Variants in TAFA2 observed in about 807,000 individuals in gnomAD.
The protein encoded by TAFA2 is chemokine-like protein TAFA-2.
In TAFA2, 7 loss-of-function variants were observed where a neutral mutation model predicts 18.8. The observed-to-expected ratio is 0.37, with a 90% CI of 0.21 to 0.70. The LOEUF (loss-of-function observed/expected upper bound fraction) is 0.70. Ranked by LOEUF, TAFA2 falls within the 30% of genes least tolerant of loss-of-function variation. The pLI is 0.53. For synonymous variants in TAFA2, 60 were observed against 54.2 expected, an observed-to-expected ratio of 1.11 and a Z score of -0.47; for missense variants, 122 against 158.1, an observed-to-expected ratio of 0.77 and a Z score of 1.23.
At chr12:62,071,896 C>T (rs1254097969) in intron 1 of TAFA2, among the ~76,000 whole-genome samples, 1 of 152,104 alleles carries the variant, frequency 6.6e-6, no homozygotes, top group Admixed American at 6.5e-5. Flanking sequence ...TGGCTGTGTT[C>T]TTTTTGAGAT....
chr12:61,945,458 C>A (rs1463947259), intron 1 of TAFA2, among the ~76,000 whole-genome samples: 2 of 72,778 alleles, frequency 2.7e-5, no homozygotes, highest in African/African-American at 6.9e-5. Context: ...CTGGCCAGGG[C>A]AATCAGGCAG....
intron 2 of TAFA2, among the ~76,000 whole-genome samples, chr12:61,816,531 T>C (rs1174903436): frequency 6.6e-6 from 1 of 151,360 alleles, no homozygotes; most frequent in African/African-American, 2.5e-5. Flanking sequence ...CCCCTGAGTA[T>C]ATACCCAGTA....
At chr12:61,716,178 G>A (rs1308524593) in intron 4 of TAFA2, among the ~76,000 whole-genome samples, 2 of 152,092 alleles carry the variant, frequency 1.3e-5, no homozygotes, top group African/African-American at 4.8e-5. Flanking sequence ...TAAATTTTTG[G>A]CCATCCAATG....
At chr12:61,815,885 G>A (rs78093078) in intron 2 of TAFA2, among the ~76,000 whole-genome samples, 2,991 of 151,178 alleles carry the variant, frequency 0.02, 59 homozygotes, top group South Asian at 0.057. Flanking sequence ...CAAAATTGTC[G>A]CTGTTCTCAT....
chr12:62,035,184 A>G (rs1000646405), intron 1 of TAFA2, among the ~76,000 whole-genome samples: 3 of 152,202 alleles, frequency 2.0e-5, no homozygotes, highest in Non-Finnish European at 4.4e-5. Flanking sequence ...ACATTATCTT[A>G]CTTGATGACT....
chr12:61,854,786 C>A (rs1873817179), intron 2 of TAFA2, among the ~76,000 whole-genome samples: 1 of 151,918 alleles, frequency 6.6e-6, no homozygotes, highest in Non-Finnish European at 1.5e-5. Flanking sequence ...TTTAGAAAAG[C>A]AAGGTTTTAA....
chr12:62,191,085 G>T (rs1031147289), intron 1 of TAFA2, among the ~76,000 whole-genome samples, 174 bp downstream of exon 1: 1 of 152,070 alleles, frequency 6.6e-6, no homozygotes, highest in Admixed American at 6.5e-5. Flanking sequence ...CCGGCCGATG[G>T]ACCCGCATCT....
At chr12:61,922,067 A>T (rs1035859712) in intron 1 of TAFA2, among the ~76,000 whole-genome samples, 5 of 152,186 alleles carry the variant, frequency 3.3e-5, no homozygotes, top group African/African-American at 1.2e-4. Context: ...GAGCAAGTTT[A>T]GAGAAGAAGT....
In TAFA2 at chr12:62,014,135, ATCGAAAACC is replaced by A. The variant is rs113213605; in HGVS notation, c.-1-146718_-1-146710del. On this transcript the variant is annotated intron_variant, in intron 1 of 4. Coordinates refer to ENST00000416284, the MANE Select transcript of TAFA2 (RefSeq NM_178539.5). ...ACACACATCAAAACATTCTACTGACATCGAAAACCTTAATTTTATACTTCAGGCAATAAA... is the reference window on the plus strand; with the variant it reads ...ACACACATCAAAACATTCTACTGACATTAATTTTATACTTCAGGCAATAAA... Among the ~76,000 whole-genome samples the A allele has an allele frequency of 4.3e-3, 655 of 152,324 alleles. 2 individuals are homozygous for A. Among genetic ancestry groups the A allele is most frequent in the African/African-American group, 0.015 (618 of 41,574 alleles).
At chr12:61,806,714 G>A (rs1201192090) in intron 2 of TAFA2, among the ~76,000 whole-genome samples, 1 of 152,210 alleles carries the variant, frequency 6.6e-6, no homozygotes, top group Non-Finnish European at 1.5e-5. Flanking sequence ...TCCAGGCTGA[G>A]GTGGTCTCAG....
At chr12:61,839,957 A>T (rs1325879582) in intron 2 of TAFA2, among the ~76,000 whole-genome samples, 1 of 152,142 alleles carries the variant, frequency 6.6e-6, no homozygotes, top group Non-Finnish European at 1.5e-5. Flanking sequence ...TGACATAGAC[A>T]TGAGGAAAAG....
intron 1 of TAFA2, among the ~76,000 whole-genome samples, chr12:61,938,109 C>T (rs1877845556): frequency 6.6e-6 from 1 of 151,808 alleles, no homozygotes; most frequent in African/African-American, 2.4e-5. Flanking sequence ...GAGATACCAC[C>T]TTACCCTGTA....
chr12:62,137,155 G>A (rs568520452), intron 1 of TAFA2, among the ~76,000 whole-genome samples: 1 of 152,116 alleles, frequency 6.6e-6, no homozygotes, highest in Non-Finnish European at 1.5e-5. Context: ...CTACCTCAAG[G>A]ACAGATATGT....
At chr12:61,778,121 A>G (rs1870349140) in intron 2 of TAFA2, among the ~76,000 whole-genome samples, 1 of 151,840 alleles carries the variant, frequency 6.6e-6, no homozygotes, top group Admixed American at 6.6e-5. Context: ...AGCAGTATCT[A>G]CTTAACAAAA....
intron 1 of TAFA2, among the ~76,000 whole-genome samples, chr12:61,917,858 G>A (rs1272483310): frequency 2.6e-5 from 4 of 152,142 alleles, no homozygotes; most frequent in Non-Finnish European, 4.4e-5. Context: ...CCATGAAACA[G>A]AATCAGTAAT....
chr12:61,807,106 C>T (rs7299986), intron 2 of TAFA2, among the ~76,000 whole-genome samples: 6 of 148,220 alleles, frequency 4.0e-5, no homozygotes, highest in South Asian at 2.1e-4. Flanking sequence ...GCATGTCAGA[C>T]GTCTTCATAG....
chr12:62,193,572 C>T (rs1285714157), upstream of TAFA2, among the ~76,000 whole-genome samples: 1 of 152,154 alleles, frequency 6.6e-6, no homozygotes, highest in African/African-American at 2.4e-5. Context: ...CTTAGTAAAT[C>T]AACCATATTT....
chr12:62,199,382 C>G (rs114566763), intron 1 of TAFA2, among the ~76,000 whole-genome samples: 1,530 of 152,234 alleles, frequency 0.01, 21 homozygotes, highest in African/African-American at 0.03. Context: ...CCATCAGGCC[C>G]CTGTGTGTGT....
intron 1 of TAFA2, among the ~76,000 whole-genome samples, chr12:62,082,125 A>G (rs1868334550): frequency 6.6e-6 from 1 of 152,112 alleles, no homozygotes; most frequent in Non-Finnish European, 1.5e-5. Context: ...ACATGATCTC[A>G]TTCCTTTTTA....
Sources: gnomAD v4.1 joint callset for allele counts (sites outside exome capture counted in the v4.1 genomes callset) on GRCh38, gnomAD v4.1.1 for gene constraint, MANE v1.5 for transcripts, NCBI Gene and HGNC (gene_info 2026-07-23, HGNC 2026-07-21) for gene names.